Variants in CUX1 observed in about 807,000 individuals in gnomAD.
CUX1 encodes cut like homeobox 1, also known as protein CASP.
Under a neutral mutation model 158.8 loss-of-function variants are expected in CUX1, and 31 were observed. The ratio of observed to expected loss-of-function variants is 0.20; its 90% confidence interval spans 0.15 to 0.26. CUX1 has a LOEUF of 0.26. CUX1 is among the 10% of genes least tolerant of loss of function. The pLI, the probability that CUX1 is intolerant of heterozygous loss-of-function variation, is 1.00. For missense variants in CUX1, 1,589 were observed against 2,014.6 expected, an observed-to-expected ratio of 0.79 and a Z score of 4.04; for synonymous variants, 879 against 862.1, an observed-to-expected ratio of 1.02 and a Z score of -0.34.
At chr7:102,205,024 A>T in intron 19 of CUX1, 90 bp from the exon 20 acceptor site, 1 of 890,922 alleles carries the variant, frequency 1.1e-6, no homozygotes, top group Non-Finnish European at 1.8e-6. Context: ...GAGGAATGGG[A>T]AGCCTCCCCG....
In CUX1 at chr7:102,123,526, G is replaced by A. The variant is rs565536671; in HGVS notation, c.674+8253G>A. Among the ~76,000 whole-genome samples, 30 of 147,782 alleles carry A rather than the reference G, an allele frequency of 2.0e-4. 2 individuals are homozygous for A. The East Asian group carries it at 5.4e-3, about 27-fold the overall frequency. On this transcript the variant is annotated intron_variant, in intron 8 of 23. Transcript: ENST00000292535. Reference sequence around the variant, plus strand: ...CGGGAGGCTGAGGCAGGAGAATGGCGTGAACCCGGGAGGCAGAGCTTGCAG... The same window carrying A: ...CGGGAGGCTGAGGCAGGAGAATGGCATGAACCCGGGAGGCAGAGCTTGCAG...
intron 3 of CUX1, among the ~76,000 whole-genome samples, chr7:102,029,342 AG>A (rs1312680620): frequency 6.6e-6 from 1 of 152,096 alleles, no homozygotes; most frequent in East Asian, 1.9e-4. Flanking sequence ...ACATGGGGGA[AG>A]GGACAGGAGA....
At chr7:101,902,662 G>A (rs79901155) in intron 1 of CUX1, among the ~76,000 whole-genome samples, 2,091 of 152,302 alleles carry the variant, frequency 0.014, 22 homozygotes, top group South Asian at 0.028. Context: ...GCAGCTGTGC[G>A]GAGTTGGGAC....
intron 1 of CUX1, among the ~76,000 whole-genome samples, chr7:101,849,244 G>C (rs1039512503): frequency 6.6e-6 from 1 of 151,402 alleles, no homozygotes; most frequent in African/African-American, 2.4e-5. Flanking sequence ...TTGTTGTACA[G>C]ATTACGTCAT....
At chr7:102,156,799 C>T (rs569639496) in intron 8 of CUX1, among the ~76,000 whole-genome samples, 2 of 152,348 alleles carry the variant, frequency 1.3e-5, no homozygotes, top group Admixed American at 6.5e-5. Flanking sequence ...AGGACTCTGG[C>T]ATCCAACGTG....
intron 3 of CUX1, among the ~76,000 whole-genome samples, chr7:102,046,108 A>G (rs533453361): frequency 7.9e-5 from 12 of 152,344 alleles, no homozygotes; most frequent in African/African-American, 2.9e-4. Flanking sequence ...TTGACTCAAA[A>G]CCTGAGGCTG....
Position 102,256,053 on chromosome 7 carries a change from C to G in CUX1, c.*7011C>G, listed in dbSNP as rs1789857758. On this transcript the variant is annotated 3_prime_UTR_variant, in exon 24 of 24. Coordinates refer to ENST00000292535, the MANE Select transcript of CUX1 (RefSeq NM_181552.4). ...GTTCATGAACCGAAGGGAAAACAGG[C>G]CTCCCCGACTCCCTCCAGTCTCCCA... The G allele has an allele frequency of 1.0e-6, 1 of 985,468 alleles. No homozygotes were observed. The highest frequency in any genetic ancestry group is 5.2e-4 in the Middle Eastern group (1 of 1,914). 61.0% of individuals were successfully genotyped at this position (985,468 alleles called of 1,614,324 possible).
At chr7:102,034,145 C>CAAAA (rs10655613) in intron 3 of CUX1, among the ~76,000 whole-genome samples, 1,049 of 48,588 alleles carry the variant, frequency 0.022, 272 homozygotes, top group Middle Eastern at 0.083. Context: ...GACTCCATCT[C>CAAAA]AAAAAAAAAA....
At chr7:101,858,960 C>T (rs1295476311) in intron 1 of CUX1, among the ~76,000 whole-genome samples, 1 of 152,182 alleles carries the variant, frequency 6.6e-6, no homozygotes, top group Non-Finnish European at 1.5e-5. Context: ...AAAGTCTTCC[C>T]TTCATGCGTT....
In CUX1 at chr7:101,966,955, C is replaced by A. The variant is rs1811298237; in HGVS notation, c.141+50730C>A. On this transcript the variant is annotated intron_variant, in intron 2 of 23. Coordinates refer to ENST00000292535, the MANE Select transcript of CUX1 (RefSeq NM_181552.4). The stretch of plus-strand genomic sequence containing the variant: ...CAAGAGGGATTTGACAGATCCATCC[C>A]AGCCCCATAACTTGGTTCCTTTGCA... Among the ~76,000 whole-genome samples, 3 of 152,136 alleles carry A rather than the reference C, an allele frequency of 2.0e-5. No homozygotes were observed. The South Asian group carries it at 6.2e-4, about 32-fold the overall frequency.
chr7:102,150,685 C>T (rs561070107), intron 8 of CUX1, among the ~76,000 whole-genome samples: 45 of 152,308 alleles, frequency 3.0e-4, no homozygotes, highest in African/African-American at 8.7e-4. Flanking sequence ...GAATTTCCAG[C>T]GTGGATATAA....
intron 1 of CUX1, among the ~76,000 whole-genome samples, chr7:101,844,679 G>A (rs768176456): frequency 2.6e-5 from 4 of 152,048 alleles, no homozygotes; most frequent in Non-Finnish European, 4.4e-5. Context: ...GCAGCAGCAC[G>A]ATCTTGGCTC....
intron 3 of CUX1, among the ~76,000 whole-genome samples, chr7:102,066,957 C>G (rs4729770): frequency 6.6e-6 from 1 of 152,314 alleles, no homozygotes; most frequent in South Asian, 2.1e-4. Context: ...CATACACACA[C>G]GCGTTTTAAG....
At chr7:102,273,661 C>G (rs555659859) in intron 15 of CUX1, among the ~76,000 whole-genome samples, 1 of 152,278 alleles carries the variant, frequency 6.6e-6, no homozygotes, top group Non-Finnish European at 1.5e-5. Flanking sequence ...ATGAATACCA[C>G]CCTGCCTCCG....
chr7:102,206,877 C>A (rs1554521529), intron 20 of CUX1, among the ~76,000 whole-genome samples: 1 of 152,082 alleles, frequency 6.6e-6, no homozygotes, highest in Non-Finnish European at 1.5e-5. Context: ...CTAGCCTGGG[C>A]AACAGAGCGA....
At chr7:102,162,892 C>T (rs1284804007) in intron 9 of CUX1, among the ~76,000 whole-genome samples, 4 of 152,090 alleles carry the variant, frequency 2.6e-5, no homozygotes, top group Non-Finnish European at 2.9e-5. Context: ...GAGTGAGCTC[C>T]CTGTCACCAG....
chr7:101,924,477 T>G (rs1805342921), intron 2 of CUX1, among the ~76,000 whole-genome samples: 1 of 152,036 alleles, frequency 6.6e-6, no homozygotes, highest in South Asian at 2.1e-4. Context: ...AGTCAGGTGG[T>G]GAAGTGAGGG....
intron 5 of CUX1, 106 bp downstream of exon 5, chr7:102,097,607 A>AT: frequency 8.5e-7 from 1 of 1,171,518 alleles, no homozygotes; most frequent in Non-Finnish European, 1.2e-6. Context: ...TCCTTGTAAT[A>AT]TACACGTCAT....
chr7:102,052,161 C>G (rs1186683592), intron 3 of CUX1, among the ~76,000 whole-genome samples: 1 of 150,910 alleles, frequency 6.6e-6, no homozygotes, highest in East Asian at 1.9e-4. Flanking sequence ...GCAGAGGTTG[C>G]AGTAAGCCGA....
Sources: gnomAD v4.1 joint callset for allele counts (sites outside exome capture counted in the v4.1 genomes callset) on GRCh38, gnomAD v4.1.1 for gene constraint, MANE v1.5 for transcripts, NCBI Gene and HGNC (gene_info 2026-07-23, HGNC 2026-07-21) for gene names.